DCDC1: variants seen among roughly 807,000 people sequenced by gnomAD.
DCDC1 encodes the protein doublecortin domain containing 1, also known as doublecortin domain-containing protein 1.
A neutral mutation model predicts 178.3 loss-of-function variants in DCDC1; 200 were observed. The ratio of observed to expected loss-of-function variants is 1.12; its 90% CI spans 1.00 to 1.26. DCDC1 has a LOEUF of 1.26. Among genes scored for constraint, DCDC1 ranks in the 50% most tolerant of loss-of-function variants. The pLI is 0.00. For synonymous variants in DCDC1, 690 were observed against 604.8 expected (o/e 1.14, Z -2.07); for missense variants, 1,983 against 1,749.2 (o/e 1.13, Z -2.38).
chr11:31,141,839 C>T (rs1963862128), intron 9 of DCDC1, among the ~76,000 whole-genome samples: 1 of 152,210 alleles, frequency 6.6e-6, no homozygotes, highest in African/African-American at 2.4e-5. Context: ...GTAGTTTGCA[C>T]TACAGAGTTT....
chr11:30,873,692 C>T (rs1941852331), intron 38 of DCDC1, among the ~76,000 whole-genome samples: 1 of 152,184 alleles, frequency 6.6e-6, no homozygotes, highest in Non-Finnish European at 1.5e-5. Context: ...AGCTCCTTCA[C>T]AGGAGAAAGA....
intron 3 of DCDC1, among the ~76,000 whole-genome samples, chr11:31,327,793 T>A (rs1949728192): frequency 6.6e-6 from 1 of 152,114 alleles, no homozygotes; most frequent in Admixed American, 6.5e-5. Flanking sequence ...AGTGGCATGA[T>A]CTCAGCTCAC....
Position 30,899,302 on chromosome 11 carries a change from G to A in DCDC1, c.4765+239C>T, listed in dbSNP as rs565060555. On this transcript the variant is annotated intron_variant, in intron 34 of 38. Coordinates refer to ENST00000684477, the MANE Select transcript of DCDC1 (RefSeq NM_001387274.1). ...CCTCCTAAGTTTTAATTTTTAAGAC[G>A]TATGCATAAGTCATTTGATATTCAT... is the stretch of plus-strand genomic sequence containing the variant. Among the ~76,000 whole-genome samples, 10 of 152,066 alleles carry A rather than the reference G, an allele frequency of 6.6e-5. No individual in the cohort carries two copies. The South Asian group carries it at 1.7e-3, about 25-fold the overall frequency.
rs569653893 is a variant in DCDC1, at chr11:31,131,159, G to C, written c.1315-3520C>G. 2.4e-4 allele frequency among the ~76,000 whole-genome samples: 6 copies of C among 25,044 alleles called. 3 individuals carry two copies. The highest frequency in any genetic ancestry group is 5.9e-4 in the Non-Finnish European group (6 of 10,132). 16.4% of individuals were successfully genotyped at this position (25,044 alleles called of 152,430 possible). On this transcript the variant is annotated intron_variant, in intron 10 of 38. Coordinates refer to ENST00000684477, the MANE Select transcript of DCDC1 (RefSeq NM_001387274.1). ...ATTGCGCCACTGCAGTCCGCAGTCC[G>C]GCCTGGGCGACAGAGCGAGACTCCG...
chr11:31,128,280 T>C (rs1961935475), intron 10 of DCDC1, among the ~76,000 whole-genome samples: 1 of 152,122 alleles, frequency 6.6e-6, no homozygotes, highest in African/African-American at 2.4e-5. Context: ...GTATAGTTTT[T>C]CCAGAAACAC....
chr11:31,308,647 G>A (rs1217581904), intron 3 of DCDC1, among the ~76,000 whole-genome samples: 3 of 152,160 alleles, frequency 2.0e-5, no homozygotes, highest in Non-Finnish European at 4.4e-5. Flanking sequence ...AGAGTAGTAT[G>A]TGGATGAACT....
intron 36 of DCDC1, among the ~76,000 whole-genome samples, chr11:30,892,379 G>T (rs273570): frequency 1.3e-5 from 2 of 151,612 alleles, no homozygotes; most frequent in African/African-American, 4.8e-5. Context: ...ATTCGTGGTG[G>T]GTAAAAAAAG....
At chr11:31,103,051 C>A (rs1055564625) in intron 14 of DCDC1, among the ~76,000 whole-genome samples, 17 of 152,130 alleles carry the variant, frequency 1.1e-4, no homozygotes, top group Non-Finnish European at 1.9e-4. Context: ...AGAATTAAAT[C>A]GATCCTTACC....
At chr11:30,894,546 C>G (rs1307290913) in intron 34 of DCDC1, among the ~76,000 whole-genome samples, 162 bp from the exon 35 acceptor site, 2 of 152,200 alleles carry the variant, frequency 1.3e-5, no homozygotes, top group Non-Finnish European at 2.9e-5. Context: ...TAATATCTAA[C>G]AATACCTCTT....
chr11:31,103,359 C>CA (rs1289629634), intron 14 of DCDC1, among the ~76,000 whole-genome samples: 1 of 152,180 alleles, frequency 6.6e-6, no homozygotes, highest in Non-Finnish European at 1.5e-5. Flanking sequence ...GAAATAACCA[C>CA]TAAAAACAGC....
intron 9 of DCDC1, among the ~76,000 whole-genome samples, chr11:31,232,201 C>T (rs1399831125): frequency 6.6e-6 from 1 of 152,160 alleles, no homozygotes; most frequent in African/African-American, 2.4e-5. Context: ...GATCATGCCC[C>T]CAACATGGGT....
At chr11:31,298,305 T>C (rs1420182271) in intron 6 of DCDC1, among the ~76,000 whole-genome samples, 1 of 152,132 alleles carries the variant, frequency 6.6e-6, no homozygotes, top group Non-Finnish European at 1.5e-5. Flanking sequence ...CCTTATCCCC[T>C]CTAAATATGC....
intron 20 of DCDC1, among the ~76,000 whole-genome samples, chr11:30,961,083 C>T (rs928338146): frequency 2.0e-5 from 3 of 152,032 alleles, no homozygotes; most frequent in Non-Finnish European, 2.9e-5. Flanking sequence ...GCCACAGATC[C>T]ACCACAATGC....
chr11:31,350,674 T>C (rs1951025513), intron 1 of DCDC1, among the ~76,000 whole-genome samples: 1 of 152,162 alleles, frequency 6.6e-6, no homozygotes, highest in African/African-American at 2.4e-5. Context: ...ATGCTCATTG[T>C]TCTGTTGTAC....
At chr11:31,267,352 G>A (rs1483188459) in intron 7 of DCDC1, among the ~76,000 whole-genome samples, 6 of 151,900 alleles carry the variant, frequency 3.9e-5, no homozygotes, top group East Asian at 1.9e-4. Context: ...CACCACGCCC[G>A]GCTAATTTTT....
At chr11:30,922,739 TA>T in intron 23 of DCDC1, 101 bp from the exon 24 acceptor site, 17 of 1,181,274 alleles carry the variant, frequency 1.4e-5, no homozygotes, top group Non-Finnish European at 1.7e-5. Flanking sequence ...AATGTCCTAT[TA>T]ATATAATAGG....
At chr11:31,245,494 C>A (rs968309984) in intron 8 of DCDC1, among the ~76,000 whole-genome samples, 9 of 151,430 alleles carry the variant, frequency 5.9e-5, no homozygotes, top group African/African-American at 2.2e-4. Context: ...ATGAATATAC[C>A]CGAATTTCAA....
chr11:30,990,246 G>C (rs567124880), intron 20 of DCDC1, among the ~76,000 whole-genome samples: 2 of 152,232 alleles, frequency 1.3e-5, no homozygotes, highest in Admixed American at 6.5e-5. Flanking sequence ...CCTTAAGAGA[G>C]ATACAAAAAC....
At chr11:31,190,248 A>C (rs158144) in intron 9 of DCDC1, among the ~76,000 whole-genome samples, 45,728 of 151,974 alleles carry the variant, frequency 0.3, 8,327 homozygotes, top group East Asian at 0.63. Context: ...AAACAACCAA[A>C]AGGTTAGTTA....
Sources: gnomAD v4.1 joint callset for allele counts (sites outside exome capture counted in the v4.1 genomes callset) on GRCh38, gnomAD v4.1.1 for gene constraint, MANE v1.5 for transcripts, NCBI Gene and HGNC (gene_info 2026-07-23, HGNC 2026-07-21) for gene names.